Variants in GRIN2A observed in about 807,000 individuals in gnomAD.
GRIN2A encodes the protein glutamate ionotropic receptor NMDA type subunit 2A.
GRIN2A carries 22 observed loss-of-function variants against 113.4 expected under a neutral mutation model. The observed-to-expected ratio is 0.19, with a 90% CI of 0.14 to 0.28. GRIN2A has a LOEUF of 0.28. Ranked by LOEUF, GRIN2A falls within the 10% of genes least tolerant of loss-of-function variation. The pLI, the probability that GRIN2A is intolerant of heterozygous loss-of-function variation, is 1.00. For synonymous variants in GRIN2A, 827 were observed against 738.4 expected (o/e 1.12, Z -1.94); for missense variants, 1,502 against 1,887.0 (o/e 0.80, Z 3.78).
intron 2 of GRIN2A, among the ~76,000 whole-genome samples, chr16:10,050,530 T>A (rs2141983210): frequency 6.6e-6 from 1 of 152,048 alleles, no homozygotes; most frequent in East Asian, 1.9e-4. Context: ...CTTATGAGAA[T>A]CTAATGCCTG....
chr16:9,910,466 G>A (rs1413259585), intron 3 of GRIN2A, among the ~76,000 whole-genome samples: 1 of 150,134 alleles, frequency 6.7e-6, no homozygotes, highest in Non-Finnish European at 1.5e-5. Context: ...ACAATAAGTA[G>A]TTGAAAAGCA....
chr16:10,018,390 G>A lies in GRIN2A; in HGVS notation c.415-79839C>T, dbSNP rs549604364. On this transcript the variant is annotated intron_variant, in intron 2 of 12. Transcript: ENST00000330684. ...GTGCTAGCACCAGAAGACACAAACT[G>A]GAGGCAGCAATACCACTGCAGTTGA... Among the ~76,000 whole-genome samples the A allele has an allele frequency of 1.1e-3, 169 of 152,272 alleles. 1 individual carries two copies. The highest frequency in any genetic ancestry group is 3.8e-3 in the African/African-American group (156 of 41,544).
At chr16:10,149,000 T>C (rs888153591) in intron 2 of GRIN2A, among the ~76,000 whole-genome samples, 1 of 152,234 alleles carries the variant, frequency 6.6e-6, no homozygotes, top group African/African-American at 2.4e-5. Flanking sequence ...CTCACCCATC[T>C]GTGGGAGCTA....
At chr16:9,952,399 C>T (rs917635881) in intron 2 of GRIN2A, among the ~76,000 whole-genome samples, 2 of 151,790 alleles carry the variant, frequency 1.3e-5, no homozygotes, top group East Asian at 1.9e-4. Context: ...CAGAGACACA[C>T]AGAATGAAGA....
At chr16:9,914,407 A>G (rs1191610740) in intron 3 of GRIN2A, among the ~76,000 whole-genome samples, 1 of 152,144 alleles carries the variant, frequency 6.6e-6, no homozygotes, top group Non-Finnish European at 1.5e-5. Flanking sequence ...AGATAACAAA[A>G]TTGTCCAATA....
chr16:10,008,849 A>C (rs938111420), intron 2 of GRIN2A, among the ~76,000 whole-genome samples: 15 of 152,262 alleles, frequency 9.9e-5, no homozygotes, highest in Admixed American at 5.2e-4. Context: ...CATGGCAGTA[A>C]ATGAAGAAAG....
rs1340544726 is a variant in GRIN2A at position 9,763,119 on chromosome 16, C to T, written c.*30G>A. ...AGAACATTGGCCATTACGTATATTT[C>T]CCTATAGATAAAACATTAATGGAAG... is the stretch of plus-strand genomic sequence containing the variant. On this transcript the variant is annotated 3_prime_UTR_variant, in exon 13 of 13. Coordinates refer to ENST00000330684, the MANE Select transcript of GRIN2A (RefSeq NM_001134407.3). 1.2e-6 allele frequency: 2 copies of T among 1,605,738 alleles called. No individual in the cohort carries two copies. The highest frequency in any genetic ancestry group is 1.7e-6 in the Non-Finnish European group (2 of 1,173,354).
At chr16:9,812,317 C>A (rs1371472787) in intron 10 of GRIN2A, among the ~76,000 whole-genome samples, 1 of 152,104 alleles carries the variant, frequency 6.6e-6, no homozygotes, top group Non-Finnish European at 1.5e-5. Context: ...CAGGTAAGCT[C>A]CCAATAAATG....
chr16:9,908,670 A>G (rs1209282316), intron 3 of GRIN2A, among the ~76,000 whole-genome samples: 3 of 152,348 alleles, frequency 2.0e-5, no homozygotes, highest in Middle Eastern at 3.4e-3. Context: ...ACACTTGATA[A>G]TGAAACAAAA....
chr16:9,875,253 G>A (rs1176767785), intron 4 of GRIN2A, among the ~76,000 whole-genome samples: 1 of 151,990 alleles, frequency 6.6e-6, no homozygotes, highest in Non-Finnish European at 1.5e-5. Context: ...TATAACATAT[G>A]GGTAATTATC....
chr16:10,110,988 TCA>T (rs2048602521), intron 2 of GRIN2A, among the ~76,000 whole-genome samples: 2 of 152,158 alleles, frequency 1.3e-5, no homozygotes, highest in Non-Finnish European at 2.9e-5. Context: ...CCTAATTACT[TCA>T]GACAAAAATC....
chr16:10,070,330 A>G lies in GRIN2A; in HGVS notation c.414+109668T>C, dbSNP rs1477112005. 3.9e-5 allele frequency among the ~76,000 whole-genome samples: 6 copies of G among 152,168 alleles called. No homozygotes were observed. In the South Asian group the frequency reaches 1.2e-3, roughly 32 times the overall value. ...GGGTCCATGGGCCAGCAGCATCAGC[A>G]TCTCCCAGGAGCTTCTTAGAAGTGC... On this transcript the variant is annotated intron_variant, in intron 2 of 12. Transcript: ENST00000330684.
At chr16:9,778,624 C>A (rs1901751522) in intron 11 of GRIN2A, among the ~76,000 whole-genome samples, 1 of 152,222 alleles carries the variant, frequency 6.6e-6, no homozygotes, top group Non-Finnish European at 1.5e-5. Flanking sequence ...AGCTAACAAC[C>A]CTGCCCTAAT....
chr16:9,954,961 G>A (rs150428745), intron 2 of GRIN2A, among the ~76,000 whole-genome samples: 48 of 152,296 alleles, frequency 3.2e-4, no homozygotes, highest in Admixed American at 2.6e-4. Context: ...TATGCACATA[G>A]TGACTGTGAT....
In GRIN2A at chr16:9,755,095, G is replaced by T. The variant is rs982855223; in HGVS notation, c.*8054C>A. ...CCAGGGCTAATGAAGAATGTTCTAGGATTGCAAAAATGCAAACTCATTGTT... is the reference window on the plus strand; with the variant it reads ...CCAGGGCTAATGAAGAATGTTCTAGTATTGCAAAAATGCAAACTCATTGTT... On this transcript the variant is annotated 3_prime_UTR_variant, in exon 13 of 13. Coordinates refer to ENST00000330684, the MANE Select transcript of GRIN2A (RefSeq NM_001134407.3). 1 of 198,892 alleles carries T rather than the reference G, an allele frequency of 5.0e-6. No individual in the cohort carries two copies. The highest frequency in any genetic ancestry group is 1.9e-4 in the South Asian group (1 of 5,228). The allele number at this position is 198,892 out of a possible 1,614,324, so 12.3% of individuals were successfully genotyped here. A position where few individuals can be genotyped will look rare whatever the true frequency, so the allele number is the denominator to read the frequency against.
At chr16:9,875,306 C>A (rs1043459589) in intron 4 of GRIN2A, among the ~76,000 whole-genome samples, 1 of 152,052 alleles carries the variant, frequency 6.6e-6, no homozygotes, top group East Asian at 1.9e-4. Flanking sequence ...ACATTAAATC[C>A]TCCACAGCTT....
chr16:9,793,598 T>G (rs1544605), intron 11 of GRIN2A, among the ~76,000 whole-genome samples: 56,616 of 151,788 alleles, frequency 0.37, 11,417 homozygotes, highest in African/African-American at 0.54. Flanking sequence ...AATGGCTGAG[T>G]CTTCTGTGAA....
In GRIN2A at chr16:9,763,807, T is replaced by C. The variant is rs779437393; in HGVS notation, c.3737A>G (p.Tyr1246Cys). The change falls in exon 13 of 13, where the codon TAT becomes TGT. Residue 1246 changes from tyrosine (Y) to cysteine (C), a missense_variant. Physicochemically the swap from Tyr to Cys is radical, Grantham distance 194. Around this residue, in one of 7 missense-constraint regions of GRIN2A, gnomAD observed 832 missense variants for 789.7 expected, o/e 1.05. Coordinates refer to ENST00000330684, the MANE Select transcript of GRIN2A (RefSeq NM_001134407.3). Reference protein sequence around the residue: ...CDACLRMGNLYDIDEDQMLQE... With the variant: ...CDACLRMGNLCDIDEDQMLQE... Reference sequence around the variant, plus strand: ...AAGCATCTGGTCTTCATCGATGTCATAGAGGTTCCCCATCCGCAGGCAGGC... The same window carrying C: ...AAGCATCTGGTCTTCATCGATGTCACAGAGGTTCCCCATCCGCAGGCAGGC... 6.2e-6 allele frequency: 10 copies of C among 1,614,138 alleles called. No homozygotes were observed. The highest frequency in any genetic ancestry group is 2.2e-5 in the East Asian group (1 of 44,856).
At chr16:10,014,954 T>C (rs1022398211) in intron 2 of GRIN2A, among the ~76,000 whole-genome samples, 1 of 152,014 alleles carries the variant, frequency 6.6e-6, no homozygotes, top group Non-Finnish European at 1.5e-5. Context: ...GTTATAATCA[T>C]TTAAATAAGA....
Sources: allele counts gnomAD v4.1 joint callset (sites outside exome capture counted in the v4.1 genomes callset), GRCh38; gene constraint gnomAD v4.1.1; regional missense constraint gnomAD v4.1.1; transcripts MANE v1.5; gene names NCBI Gene and HGNC (gene_info 2026-07-23, HGNC 2026-07-21).